ATXN7L1: variants seen among roughly 807,000 people sequenced by gnomAD.
The protein encoded by ATXN7L1 is ataxin 7 like 1.
ATXN7L1 carries 15 observed loss-of-function variants against 70.8 expected under a neutral mutation model. The observed-to-expected ratio is 0.21, with a 90% CI of 0.14 to 0.33. ATXN7L1 has a LOEUF of 0.33. Ranked by LOEUF, ATXN7L1 falls within the 10% of genes least tolerant of loss-of-function variation. The pLI is 1.00. For missense variants in ATXN7L1, 975 were observed against 1,097.1 expected, an observed-to-expected ratio of 0.89 and a Z score of 1.57; for synonymous variants, 440 against 445.1, an observed-to-expected ratio of 0.99 and a Z score of 0.14.
intron 2 of ATXN7L1, among the ~76,000 whole-genome samples, chr7:105,800,041 T>G (rs1385548602): frequency 1.3e-5 from 2 of 152,120 alleles, no homozygotes; most frequent in African/African-American, 4.8e-5. Context: ...GGAAGACCAC[T>G]TTGAAGGTGC....
At chr7:105,766,694 T>TA (rs1801299529) in intron 3 of ATXN7L1, among the ~76,000 whole-genome samples, 1 of 152,214 alleles carries the variant, frequency 6.6e-6, no homozygotes, top group Non-Finnish European at 1.5e-5. Flanking sequence ...CCGCTGGGAT[T>TA]AGACGATCCT....
chr7:105,722,299 A>G (rs1189395156), intron 3 of ATXN7L1, among the ~76,000 whole-genome samples: 2 of 152,148 alleles, frequency 1.3e-5, no homozygotes, highest in Non-Finnish European at 2.9e-5. Flanking sequence ...ACAGTGGCTC[A>G]TGCCTATAAT....
At chr7:105,704,860 C>T (rs997061555) in intron 3 of ATXN7L1, among the ~76,000 whole-genome samples, 9 of 151,966 alleles carry the variant, frequency 5.9e-5, no homozygotes, top group Admixed American at 3.3e-4. Flanking sequence ...ATCTGCCCCC[C>T]TTGGCCTCCC....
At chr7:105,756,962 T>G (rs1222076011) in intron 3 of ATXN7L1, among the ~76,000 whole-genome samples, 1 of 152,148 alleles carries the variant, frequency 6.6e-6, no homozygotes, top group East Asian at 1.9e-4. Context: ...ATTAAATACC[T>G]GTTTCGATTT....
At position 105,650,250 on chromosome 7, in the gene ATXN7L1, A is replaced by G. The variant is rs150023471; in HGVS notation, c.579-7129T>C. Among the ~76,000 whole-genome samples the G allele has an allele frequency of 4.5e-3, 693 of 152,356 alleles. 5 individuals carry two copies. Among genetic ancestry groups the G allele is most frequent in the African/African-American group, 0.013 (552 of 41,570 alleles). On this transcript the variant is annotated intron_variant, in intron 4 of 11. Transcript: ENST00000419735. ...CCGTGGTATGACAGATACAGTTGAT[A>G]CTGCATAAATCCTGACAAGTGAATA...
At chr7:105,717,212 C>A (rs1224311916) in intron 3 of ATXN7L1, among the ~76,000 whole-genome samples, 1 of 152,176 alleles carries the variant, frequency 6.6e-6, no homozygotes, top group Non-Finnish European at 1.5e-5. Context: ...ACTGCAACCT[C>A]CACCTCCTGG....
At position 105,610,581 on chromosome 7, in the gene ATXN7L1, G is replaced by A; in HGVS notation, c.2495C>T (p.Ala832Val). ...SRQVGKNSSL[A>V]LSQSSPSSIS... ...ACTTGAAGGACTGGATTGTGACAAA[G>A]CTAGGCTGCTATTTTTCCCAACCTG... The change falls in exon 11 of 12, where the codon GCT becomes GTT. Residue 832 changes from alanine (A) to valine (V), a missense_variant. Physicochemically the swap from Ala to Val is moderately conservative, Grantham distance 64. Transcript: ENST00000419735. 6.4e-7 allele frequency: 1 copy of A among 1,551,424 alleles called. No homozygotes were observed. Among genetic ancestry groups the A allele is most frequent in the Non-Finnish European group, 8.7e-7 (1 of 1,146,946 alleles).
At chr7:105,810,512 G>C (rs1346765414) in intron 2 of ATXN7L1, among the ~76,000 whole-genome samples, 1 of 152,198 alleles carries the variant, frequency 6.6e-6, no homozygotes, top group African/African-American at 2.4e-5. Context: ...TTGTAAAAAG[G>C]GTGCCACTGA....
chr7:105,658,607 C>T (rs891474963), intron 4 of ATXN7L1, among the ~76,000 whole-genome samples: 69 of 149,546 alleles, frequency 4.6e-4, no homozygotes, highest in Middle Eastern at 3.5e-3. Context: ...CTTGGCTCGC[C>T]GCAACCTCTG....
At chr7:105,775,187 G>A (rs890420912) in intron 3 of ATXN7L1, among the ~76,000 whole-genome samples, 8 of 152,118 alleles carry the variant, frequency 5.3e-5, no homozygotes, top group African/African-American at 1.9e-4. Flanking sequence ...GAAGCGCCTG[G>A]CCCTGCAAAG....
At chr7:105,790,224 G>A (rs771318525) in intron 2 of ATXN7L1, among the ~76,000 whole-genome samples, 2 of 152,142 alleles carry the variant, frequency 1.3e-5, no homozygotes, top group Non-Finnish European at 2.9e-5. Context: ...TTCTAAGATC[G>A]ATAGTGATGA....
At chr7:105,607,964 G>T in intron 11 of ATXN7L1, 74 bp from the exon 12 acceptor site, 1 of 1,350,438 alleles carries the variant, frequency 7.4e-7, no homozygotes, top group African/African-American at 1.4e-5. Context: ...CAAGGATGGA[G>T]ACTTAGTTTT....
rs373330609 is a variant in ATXN7L1, at chr7:105,770,642, A to G, written c.355+17962T>C. The stretch of plus-strand genomic sequence containing the variant: ...GGACTTCACAGAGCACTGAATGACC[A>G]CTCACTTTTAGCCAGTCTGATCTGA... On this transcript the variant is annotated intron_variant, in intron 3 of 11. Transcript: ENST00000419735. 7.2e-5 allele frequency among the ~76,000 whole-genome samples: 11 copies of G among 152,154 alleles called. No homozygotes were observed. The East Asian group carries it at 2.1e-3, about 29-fold the overall frequency.
At chr7:105,791,403 G>A (rs1370932758) in intron 2 of ATXN7L1, among the ~76,000 whole-genome samples, 1 of 152,202 alleles carries the variant, frequency 6.6e-6, no homozygotes, top group Non-Finnish European at 1.5e-5. Flanking sequence ...GAGGCCTGTG[G>A]GAAGAGAGGC....
In ATXN7L1 at chr7:105,614,400, C is replaced by T. The variant is rs999929558; in HGVS notation, c.1934G>A (p.Arg645Lys). ...RSDESPSNKK[R>K]KPQSSTSSSS... ...GGAGGAAGTCGAAGACTGTGGCTTCCTTTTTTTGTTACTTGGAGACTCGTC... is the reference window on the plus strand; with the variant it reads ...GGAGGAAGTCGAAGACTGTGGCTTCTTTTTTTTGTTACTTGGAGACTCGTC... Residue 645 changes from arginine (R) to lysine (K), a missense_variant, in exon 10 of 12, where the codon AGG becomes AAG. Coordinates refer to ENST00000419735, the MANE Select transcript of ATXN7L1 (RefSeq NM_020725.2). This position sits in a 1 kb window ranked among gnomAD's most constrained non-coding sequence, Gnocchi z 4.3. The T allele has an allele frequency of 3.2e-6, 5 of 1,551,628 alleles. No homozygotes were observed. In the African/African-American group the frequency reaches 5.5e-5, roughly 17 times the overall value.
At chr7:105,850,847 GAC>G (rs1814775336) in intron 2 of ATXN7L1, among the ~76,000 whole-genome samples, 2 of 152,160 alleles carry the variant, frequency 1.3e-5, no homozygotes, top group South Asian at 4.1e-4. Context: ...TGAGCTGGAG[GAC>G]AAGATACAGA....
At chr7:105,726,261 C>A (rs1584845284) in intron 3 of ATXN7L1, among the ~76,000 whole-genome samples, 2 of 152,208 alleles carry the variant, frequency 1.3e-5, no homozygotes, top group Non-Finnish European at 2.9e-5. Context: ...ACACATCCAT[C>A]CAAACTTCCA....
chr7:105,686,673 A>G (rs1335719491), intron 3 of ATXN7L1, among the ~76,000 whole-genome samples: 1 of 152,238 alleles, frequency 6.6e-6, no homozygotes, highest in East Asian at 1.9e-4. Flanking sequence ...AAAGTGTTGA[A>G]TATCTCATGT....
chr7:105,754,879 G>A (rs1057493158), intron 3 of ATXN7L1, among the ~76,000 whole-genome samples: 3 of 152,214 alleles, frequency 2.0e-5, no homozygotes, highest in Non-Finnish European at 2.9e-5. Context: ...CTCATGGGGT[G>A]GAATCTGGCC....
Sources: gnomAD v4.1 joint callset for allele counts (sites outside exome capture counted in the v4.1 genomes callset) on GRCh38, gnomAD v4.1.1 for gene constraint, Gnocchi (gnomAD v3.1) non-coding constraint, MANE v1.5 for transcripts, NCBI Gene and HGNC (gene_info 2026-07-23, HGNC 2026-07-21) for gene names.